KDM6B: variants seen among roughly 807,000 people sequenced by gnomAD.
The protein encoded by KDM6B is lysine demethylase 6B, also known as lysine-specific demethylase 6B.
KDM6B carries 22 observed loss-of-function variants against 150.4 expected under a neutral mutation model. The observed-to-expected ratio is 0.15, with a 90% CI of 0.10 to 0.21. The LOEUF (loss-of-function observed/expected upper bound fraction) is 0.21, where lower values mean the gene tolerates loss of function less well. KDM6B is among the 10% of genes least tolerant of loss of function. The pLI is 1.00. For missense variants in KDM6B, 1,984 were observed against 2,234.3 expected (o/e 0.89, Z 2.26); for synonymous variants, 1,148 against 921.1 (o/e 1.25, Z -4.46).
Position 7,846,500 on chromosome 17 carries a change from T to A in KDM6B, c.549+8T>A. ...AACTTGCTACACCTTGAGGTGAGGC[T>A]GGCACTGGGTGGGTTAGGGAGGAGA... is the stretch of plus-strand genomic sequence containing the variant. On this transcript the variant is annotated splice_region_variant and intron_variant, in intron 8 of 23. Transcript: ENST00000448097. 1 of 1,613,972 alleles carries A rather than the reference T, an allele frequency of 6.2e-7. No individual in the cohort carries two copies. Among genetic ancestry groups the A allele is most frequent in the African/African-American group, 1.3e-5 (1 of 75,018 alleles).
In KDM6B at chr17:7,853,880, C is replaced by T. The variant is rs983653993; in HGVS notation, c.*359C>T. 2.1e-5 allele frequency: 4 copies of T among 188,754 alleles called. No homozygotes were observed. The highest frequency in any genetic ancestry group is 1.2e-4 in the Admixed American group (2 of 16,114). The allele number at this position is 188,754 out of a possible 1,614,324, so 11.7% of individuals were successfully genotyped here. A position where few individuals can be genotyped will look rare whatever the true frequency, so the allele number is the denominator to read the frequency against. On this transcript the variant is annotated 3_prime_UTR_variant, in exon 24 of 24. Transcript: ENST00000448097. ...CCCTGCCAGCCGCCCGCCCGCCCGG[C>T]GCAGATGCACGCGGCTCGTGTATGT...
chr17:7,834,379 AAG>A, intron 1 of KDM6B, among the ~76,000 whole-genome samples, 29 bp downstream of exon 1: 1 of 152,108 alleles, frequency 6.6e-6, no homozygotes, highest in African/African-American at 2.4e-5. Context: ...GACGTCTGTA[AAG>A]AGGGAAACCC....
At position 7,847,835 on chromosome 17, in the gene KDM6B, CA is replaced by C; in HGVS notation, c.1548del (p.Pro517HisfsTer65). ...FGTEGPPRPA[P>X]PPLPHREGFL... ...ACTGAGGGACCCCCCCGCCCTGCCC[CA>C]CCACCCCTCCCCCATCGCGAGGGCT... On this transcript the variant is annotated frameshift_variant, in exon 12 of 24. Transcript: ENST00000448097. LOFTEE classifies it high-confidence loss of function. The C allele has an allele frequency of 1.8e-5, 27 of 1,540,830 alleles. No individual in the cohort carries two copies. Among genetic ancestry groups the C allele is most frequent in the East Asian group, 2.4e-5 (1 of 41,916 alleles).
At chr17:7,836,385 C>T (rs1387924496) in intron 1 of KDM6B, among the ~76,000 whole-genome samples, 1 of 152,202 alleles carries the variant, frequency 6.6e-6, no homozygotes, top group Admixed American at 6.5e-5. Context: ...CTCGCCGTGT[C>T]CTGGTTTCAA....
rs1237176659 is a variant in KDM6B at position 7,851,016 on chromosome 17, TC to T, written c.3674-3del. The T allele has an allele frequency of 6.3e-7, 1 of 1,598,636 alleles. No individual in the cohort carries two copies. The highest frequency in any genetic ancestry group is 2.3e-5 in the East Asian group (1 of 43,964). On this transcript the variant is annotated splice_region_variant and splice_polypyrimidine_tract_variant and intron_variant, in intron 14 of 23. Transcript: ENST00000448097. ...CCCGACACCCTGCTCGGCCCTCCCTTCCAGACTTGGGCCTCTTCTCCACCAA... is the reference window on the plus strand; with the variant it reads ...CCCGACACCCTGCTCGGCCCTCCCTTCAGACTTGGGCCTCTTCTCCACCAA...
Position 7,849,378 on chromosome 17 carries a change from T to C in KDM6B, c.3090T>C (p.Gly1030=), listed in dbSNP as rs2078643144. ...NLDLQSEEIQ[G]REKSRPDLGG... ...ACCTGCAGAGCGAGGAGATCCAGGGTCGTGAGAAGTCCCGGCCCGATCTTG... is the reference window on the plus strand; with the variant it reads ...ACCTGCAGAGCGAGGAGATCCAGGGCCGTGAGAAGTCCCGGCCCGATCTTG... Residue 1030 remains glycine, a synonymous_variant, in exon 12 of 24, where the codon GGT becomes GGC. Transcript: ENST00000448097. 1 of 1,607,978 alleles carries C rather than the reference T, an allele frequency of 6.2e-7. No homozygotes were observed. The highest frequency in any genetic ancestry group is 8.5e-7 in the Non-Finnish European group (1 of 1,178,142).
At position 7,834,360 on chromosome 17, in the gene KDM6B, A is replaced by C. The variant is rs2078287439; in HGVS notation, c.-388+10A>C. ...CCCCCCCCAGAACCAGGTAACGGGG[A>C]GCCGCGAGGACGTCTGTAAAGAGGG... is the stretch of plus-strand genomic sequence containing the variant. On this transcript the variant is annotated intron_variant, in intron 1 of 23. Coordinates refer to ENST00000448097, the MANE Select transcript of KDM6B (RefSeq NM_001348716.2). Among the ~76,000 whole-genome samples, 1 of 151,872 alleles carries C rather than the reference A, an allele frequency of 6.6e-6. No homozygotes were observed. The highest frequency in any genetic ancestry group is 1.5e-5 in the Non-Finnish European group (1 of 67,952).
In KDM6B at chr17:7,846,065, TTC is replaced by T; in HGVS notation, c.237-11_237-10del. 1 of 375,822 alleles carries T rather than the reference TTC, an allele frequency of 2.7e-6. No homozygotes were observed. The highest frequency in any genetic ancestry group is 4.8e-6 in the Non-Finnish European group (1 of 206,698). 23.3% of individuals were successfully genotyped at this position (375,822 alleles called of 1,614,324 possible). A position where few individuals can be genotyped will look rare whatever the true frequency, so the allele number is the denominator to read the frequency against. ...CAACCCCCACCCACACCCCCACCCC[TTC>T]TGCTCTGTAGGGCGCCCACTCCAAG... On this transcript the variant is annotated splice_polypyrimidine_tract_variant and intron_variant, in intron 6 of 23. Coordinates refer to ENST00000448097, the MANE Select transcript of KDM6B (RefSeq NM_001348716.2).
Position 7,845,976 on chromosome 17 carries a change from T to C in KDM6B, c.236+6T>C. The C allele has an allele frequency of 6.2e-7, 1 of 1,612,348 alleles. No individual in the cohort carries two copies. The highest frequency in any genetic ancestry group is 1.1e-5 in the South Asian group (1 of 91,028). On this transcript the variant is annotated splice_donor_region_variant and intron_variant, in intron 6 of 23. Transcript: ENST00000448097. ...AAACCATATTATGCTCCAGGGTGAG[T>C]GGATATTTGAAGGTTCTGGGAGTGG...
At chr17:7,842,514 C>A (rs866725880) in intron 2 of KDM6B, among the ~76,000 whole-genome samples, 8 of 152,298 alleles carry the variant, frequency 5.3e-5, no homozygotes, top group Middle Eastern at 6.8e-3. Context: ...TGGTTCCCTT[C>A]CCTTGGTTAG....
Position 7,848,409 on chromosome 17 carries a change from C to T in KDM6B, c.2121C>T (p.Arg707=). The T allele has an allele frequency of 6.2e-7, 1 of 1,613,108 alleles. No individual in the cohort carries two copies. The highest frequency in any genetic ancestry group is 8.5e-7 in the Non-Finnish European group (1 of 1,180,010). The change falls in exon 12 of 24, where the codon CGC becomes CGT. Residue 707 remains arginine, a synonymous_variant. Coordinates refer to ENST00000448097, the MANE Select transcript of KDM6B (RefSeq NM_001348716.2). ...TGAAGATGCTGGACGAATCCATTCG[C>T]AAGGAAGAGGAACAGCAACAACACG... ...NIMKMLDESI[R]KEEEQQQHEA... is the part of the protein sequence containing the mutation.
intron 1 of KDM6B, among the ~76,000 whole-genome samples, chr17:7,837,843 G>C (rs2078354528): frequency 6.6e-6 from 1 of 152,088 alleles, no homozygotes; most frequent in Non-Finnish European, 1.5e-5. Flanking sequence ...CTGTGGGTCT[G>C]CTCCAAACCA....
chr17:7,840,045 CCT>C (rs1273963987), intron 2 of KDM6B, 21 bp downstream of exon 2: 2 of 152,570 alleles, frequency 1.3e-5, no homozygotes, highest in Admixed American at 6.5e-5. Flanking sequence ...TCTGAGTGAC[CCT>C]CTCTCCTCAG....
chr17:7,850,718 G>A (rs2078675173), intron 14 of KDM6B, among the ~76,000 whole-genome samples: 1 of 152,210 alleles, frequency 6.6e-6, no homozygotes, highest in Non-Finnish European at 1.5e-5. Context: ...CATTCATTGA[G>A]CACCTACTAT....
rs772320061 is a variant in KDM6B, at chr17:7,846,116, C to T, written c.275C>T (p.Ser92Phe). ...AGACCCCTCCATGGGAAGCTGGAAT[C>T]CCTGCATGGCTGTGTGCAGGCATTG... ...TPRPLHGKLE[S>F]LHGCVQALLR... The change falls in exon 7 of 24, where the codon TCC (serine) becomes TTC (phenylalanine). Residue 92 changes from serine to phenylalanine, a missense_variant. Coordinates refer to ENST00000448097, the MANE Select transcript of KDM6B (RefSeq NM_001348716.2). 7.3e-7 allele frequency: 1 copy of T among 1,370,202 alleles called. No individual in the cohort carries two copies. The highest frequency in any genetic ancestry group is 1.1e-5 in the South Asian group (1 of 88,048). 84.9% of individuals were successfully genotyped at this position (1,370,202 alleles called of 1,614,324 possible).
At chr17:7,847,073 C>A in intron 10 of KDM6B, 32 bp from the exon 11 acceptor site, 1 of 1,610,458 alleles carries the variant, frequency 6.2e-7, no homozygotes, top group Non-Finnish European at 8.5e-7. Context: ...GCTCTCTATT[C>A]CTCATCCTGC....
rs202015787 is a variant in KDM6B, at chr17:7,847,757, C to T, written c.1469C>T (p.Ala490Val). 2 of 1,350,468 alleles carry T rather than the reference C, an allele frequency of 1.5e-6. No homozygotes were observed. The highest frequency in any genetic ancestry group is 4.5e-5 in the Admixed American group (2 of 44,496). 83.7% of individuals were successfully genotyped at this position (1,350,468 alleles called of 1,614,324 possible). A position where few individuals can be genotyped will look rare whatever the true frequency, so the allele number is the denominator to read the frequency against. The part of the protein sequence containing the change: ...PPPPAWLKGP[A>V]CRAAREDGEI... Reference sequence around the variant, plus strand: ...CCCCCTGCCTGGTTGAAGGGTCCGGCCTGCCGGGCAGCCCGAGAGGATGGA... The same window carrying T: ...CCCCCTGCCTGGTTGAAGGGTCCGGTCTGCCGGGCAGCCCGAGAGGATGGA... Residue 490 changes from alanine to valine, a missense_variant, in exon 12 of 24, where the codon GCC (alanine) becomes GTC (valine). Ala to Val is a moderately conservative substitution (Grantham distance 64). This residue lies in a region of KDM6B where 1,379 missense variants were observed against 1,275.6 expected (regional missense o/e 1.08). Coordinates refer to ENST00000448097, the MANE Select transcript of KDM6B (RefSeq NM_001348716.2).
intron 6 of KDM6B, 46 bp from the exon 7 acceptor site, chr17:7,846,032 C>T (rs770924411): frequency 1.9e-6 from 3 of 1,581,098 alleles, no homozygotes; most frequent in Non-Finnish European, 2.6e-6. Context: ...AAAGAGTCCC[C>T]TCAAGCCCAA....
chr17:7,835,204 A>G (rs1597812768), intron 1 of KDM6B, among the ~76,000 whole-genome samples: 1 of 152,032 alleles, frequency 6.6e-6, no homozygotes, highest in Non-Finnish European at 1.5e-5. Context: ...CTGGGGACTC[A>G]ATCTCCGCCT....
Sources: allele counts gnomAD v4.1 joint callset (sites outside exome capture counted in the v4.1 genomes callset), GRCh38; gene constraint gnomAD v4.1.1; regional missense constraint gnomAD v4.1.1; transcripts MANE v1.5; gene names NCBI Gene and HGNC (gene_info 2026-07-23, HGNC 2026-07-21).